POU2F2: variants seen among roughly 807,000 people sequenced by gnomAD.
POU2F2 encodes the protein POU class 2 homeobox 2.
Under a neutral mutation model 63.5 loss-of-function variants are expected in POU2F2, and 14 were observed. The ratio of observed to expected loss-of-function variants is 0.22; its 90% CI spans 0.15 to 0.34. The LOEUF (loss-of-function observed/expected upper bound fraction) is 0.34, where lower values mean the gene tolerates loss of function less well. Among genes scored for constraint, POU2F2 ranks in the 10% least tolerant of loss-of-function variants. The probability of loss-of-function intolerance (pLI) is 1.00; values close to 1 mark genes in which losing one functional copy is unlikely to be tolerated. For synonymous variants in POU2F2, 306 were observed against 348.6 expected (o/e 0.88, Z 1.36); for missense variants, 607 against 815.2 (o/e 0.74, Z 3.11).
At chr19:42,114,397 T>C (rs1414725379) in intron 5 of POU2F2, among the ~76,000 whole-genome samples, 1 of 151,884 alleles carries the variant, frequency 6.6e-6, no homozygotes, top group East Asian at 1.9e-4. Context: ...GGGGCTCAGA[T>C]GAAGAGGAAC....
Position 42,117,459 on chromosome 19 carries a change from G to A in POU2F2, c.187-27C>T. The A allele has an allele frequency of 6.7e-6, 6 of 893,738 alleles. No individual in the cohort carries two copies. Among genetic ancestry groups the A allele is most frequent in the South Asian group, 1.5e-5 (1 of 65,086 alleles). 55.4% of individuals were successfully genotyped at this position (893,738 alleles called of 1,614,324 possible). On this transcript the variant is annotated intron_variant, in intron 4 of 14. Transcript: ENST00000692977. This position sits in a 1 kb window ranked among gnomAD's most constrained non-coding sequence, Gnocchi z 4.4. ...TGTGAACCAAAGAGAGGGCACGTGT[G>A]TGGCAATGGCAATCAGGCTGGCACA... is the stretch of plus-strand genomic sequence containing the variant.
intron 1 of POU2F2, among the ~76,000 whole-genome samples, chr19:42,165,914 T>G (rs1173494791): frequency 6.6e-6 from 1 of 152,232 alleles, no homozygotes; most frequent in Non-Finnish European, 1.5e-5. Context: ...ACAAATGCAA[T>G]GAAGACACTC....
chr19:42,097,344 T>C (rs2076960392), intron 7 of POU2F2, among the ~76,000 whole-genome samples: 1 of 152,128 alleles, frequency 6.6e-6, no homozygotes, highest in South Asian at 2.1e-4. Flanking sequence ...ATTATAGGCA[T>C]ACGCCACCAC....
rs2076874441 is a variant in POU2F2 at position 42,095,254 on chromosome 19, G to A, written c.1197+32C>T. The A allele has an allele frequency of 6.3e-7, 1 of 1,596,448 alleles. No individual in the cohort carries two copies. The highest frequency in any genetic ancestry group is 8.5e-7 in the Non-Finnish European group (1 of 1,173,264). On this transcript the variant is annotated intron_variant, in intron 11 of 14. Transcript: ENST00000692977. This position sits in a 1 kb window ranked among gnomAD's most constrained non-coding sequence, Gnocchi z 7.1. The stretch of plus-strand genomic sequence containing the variant: ...ACACAGGTGCCTGCGGAGCTCTGTG[G>A]TCTCCCCACCCCCCAGGCGGGCTCT...
rs1453797063 is a variant in POU2F2, at chr19:42,091,568, G to A, written c.1564C>T (p.Pro522Ser). 19 of 1,553,708 alleles carry A rather than the reference G, an allele frequency of 1.2e-5. No homozygotes were observed. Among genetic ancestry groups the A allele is most frequent in the African/African-American group, 5.4e-5 (4 of 73,616 alleles). Residue 522 changes from proline to serine, a missense_variant, in exon 15 of 15, where the codon CCC (proline) becomes TCC (serine). This residue lies in a region of POU2F2 where 270 missense variants were observed against 307.5 expected (regional missense o/e 0.88). Transcript: ENST00000692977. ...IQALASGGTL[P>S]LTSLDGSGNL... Reference sequence around the variant, plus strand: ...CCGCTGCCATCAAGGCTGGTAAGGGGCAGGGTTCCACCAGAGGCCAGGGCT... The same window carrying A: ...CCGCTGCCATCAAGGCTGGTAAGGGACAGGGTTCCACCAGAGGCCAGGGCT...
rs1477686906 is a variant in POU2F2 at position 42,117,332 on chromosome 19, G to A, written c.287C>T (p.Pro96Leu). 6.5e-6 allele frequency: 10 copies of A among 1,527,940 alleles called. No individual in the cohort carries two copies. The highest frequency in any genetic ancestry group is 7.8e-6 in the Non-Finnish European group (9 of 1,149,814). The allele number at this position is 1,527,940 out of a possible 1,614,324, so 94.6% of individuals were successfully genotyped here. ...CGGCTGAGGGGGCAGGGGTGCTGCT[G>A]GGGCTGAATCGCCACTGGGGTCTTC... ...KAEDPSGDSA[P>L]AAPLPPQPAQ... The change falls in exon 5 of 15, where the codon CCA becomes CTA. Residue 96 changes from proline to leucine, a missense_variant. Pro to Leu is a moderately conservative substitution (Grantham distance 98). Transcript: ENST00000692977. This position sits in a 1 kb window ranked among gnomAD's most constrained non-coding sequence, Gnocchi z 4.4.
chr19:42,105,995 TCTTTTTTC>T (rs927932981), intron 5 of POU2F2, among the ~76,000 whole-genome samples: 10 of 143,402 alleles, frequency 7.0e-5, no homozygotes, highest in African/African-American at 2.6e-4. Flanking sequence ...ATAGGATCTT[TCTTTTTTC>T]TTTCTTTCTT....
intron 1 of POU2F2, among the ~76,000 whole-genome samples, chr19:42,183,125 A>G (rs1166730911): frequency 2.0e-5 from 3 of 152,220 alleles, no homozygotes; most frequent in Non-Finnish European, 4.4e-5. Flanking sequence ...CCAAGCATTC[A>G]GTTTGGTTCC....
intron 1 of POU2F2, among the ~76,000 whole-genome samples, chr19:42,194,487 C>T (rs983216990): frequency 2.1e-5 from 3 of 144,872 alleles, no homozygotes; most frequent in Non-Finnish European, 4.6e-5. Context: ...GATCGGGTGC[C>T]GTGGCTCATG....
intron 1 of POU2F2, among the ~76,000 whole-genome samples, chr19:42,195,071 A>C (rs1385129465): frequency 6.2e-5 from 4 of 64,622 alleles, no homozygotes; most frequent in Admixed American, 3.1e-4. Flanking sequence ...GGGAGGGAGG[A>C]AGGAAGGGAG....
At chr19:42,108,909 C>T (rs968759987) in intron 5 of POU2F2, among the ~76,000 whole-genome samples, 12 of 152,210 alleles carry the variant, frequency 7.9e-5, no homozygotes, top group African/African-American at 2.9e-4. Flanking sequence ...GGGACGGTAC[C>T]GATTCTTGCT....
chr19:42,193,204 C>A (rs913123315), intron 1 of POU2F2, among the ~76,000 whole-genome samples: 2 of 127,514 alleles, frequency 1.6e-5, no homozygotes, highest in Non-Finnish European at 1.6e-5. Flanking sequence ...GGCGACAGAA[C>A]GAGACTCCGT....
rs2076740878 is a variant in POU2F2 at position 42,092,115 on chromosome 19, C to G, written c.1420G>C (p.Gly474Arg). ...GACAAGCCGATAGCCGAGTGGCTGC[C>G]TTGAGGGCTGGGGTTTGTGCTGTTG... ...TTNSTNPSPQ[G>R]SHSAIGLSGL... The change falls in exon 13 of 15, where the codon GGC (glycine) becomes CGC (arginine). Residue 474 changes from glycine to arginine, a missense_variant. Coordinates refer to ENST00000692977, the MANE Select transcript of POU2F2 (RefSeq NM_001394376.1). This position sits in a 1 kb window ranked among gnomAD's most constrained non-coding sequence, Gnocchi z 5.0. The G allele has an allele frequency of 6.3e-7, 1 of 1,585,022 alleles. No homozygotes were observed. The highest frequency in any genetic ancestry group is 8.6e-7 in the Non-Finnish European group (1 of 1,166,758).
chr19:42,194,897 GAGGGAGGGAAGGAGGA>G (rs1300294350), intron 1 of POU2F2, among the ~76,000 whole-genome samples: 3 of 126,106 alleles, frequency 2.4e-5, no homozygotes, highest in African/African-American at 9.2e-5. Flanking sequence ...GGAAGAAAGG[GAGGGAGGGAAGGAGGA>G]AGGAAGGGAA....
In POU2F2 at chr19:42,095,127, G is replaced by A. The variant is rs1370863189; in HGVS notation, c.1197+159C>T. ...GTAAGACCACAGTTCCCTGGAAACCGTCCCTGTGTAACTGTGCCCATCTAC... is the reference window on the plus strand; with the variant it reads ...GTAAGACCACAGTTCCCTGGAAACCATCCCTGTGTAACTGTGCCCATCTAC... On this transcript the variant is annotated intron_variant, in intron 11 of 14. Coordinates refer to ENST00000692977, the MANE Select transcript of POU2F2 (RefSeq NM_001394376.1). This position sits in a 1 kb window ranked among gnomAD's most constrained non-coding sequence, Gnocchi z 7.1. Among the ~76,000 whole-genome samples the A allele has an allele frequency of 1.3e-5, 2 of 152,142 alleles. No individual in the cohort carries two copies. Among genetic ancestry groups the A allele is most frequent in the African/African-American group, 4.8e-5 (2 of 41,420 alleles).
At chr19:42,146,247 T>C (rs2034231779) in intron 2 of POU2F2, among the ~76,000 whole-genome samples, 1 of 152,144 alleles carries the variant, frequency 6.6e-6, no homozygotes, top group South Asian at 2.1e-4. Context: ...GAACCAGGAT[T>C]GGCACCCAGG....
rs374234669 is a variant in POU2F2 at position 42,095,950 on chromosome 19, A to T, written c.730-21T>A. ...TCACCCTGGGCCAGTGGGGCGGGGAAGGGCCCGAAGTCAGGGTGGGGCCTT... is the reference window on the plus strand; with the variant it reads ...TCACCCTGGGCCAGTGGGGCGGGGATGGGCCCGAAGTCAGGGTGGGGCCTT... On this transcript the variant is annotated intron_variant, in intron 8 of 14. Coordinates refer to ENST00000692977, the MANE Select transcript of POU2F2 (RefSeq NM_001394376.1). This position sits in a 1 kb window ranked among gnomAD's most constrained non-coding sequence, Gnocchi z 7.1. 9 of 1,600,426 alleles carry T rather than the reference A, an allele frequency of 5.6e-6. No homozygotes were observed. The African/African-American group carries it at 1.2e-4, about 22-fold the overall frequency.
At chr19:42,151,594 T>C (rs1327411537) in intron 2 of POU2F2, among the ~76,000 whole-genome samples, 1 of 151,894 alleles carries the variant, frequency 6.6e-6, no homozygotes, top group African/African-American at 2.4e-5. Context: ...ATACAGACCT[T>C]CCAGCTTGGG....
chr19:42,192,050 T>C (rs1445171177), intron 1 of POU2F2, among the ~76,000 whole-genome samples: 3 of 152,208 alleles, frequency 2.0e-5, no homozygotes, highest in Non-Finnish European at 4.4e-5. Flanking sequence ...ATGTTCACTA[T>C]GTATGTTACA....
Sources: allele counts gnomAD v4.1 joint callset (sites outside exome capture counted in the v4.1 genomes callset), GRCh38; gene constraint gnomAD v4.1.1; regional missense constraint gnomAD v4.1.1; non-coding constraint Gnocchi (gnomAD v3.1); transcripts MANE v1.5; gene names NCBI Gene and HGNC (gene_info 2026-07-23, HGNC 2026-07-21).